Variants in KIAA0408 observed in about 807,000 individuals in gnomAD.
KIAA0408 encodes the protein KIAA0408, also known as uncharacterized protein KIAA0408.
Under a neutral mutation model 60.9 loss-of-function variants are expected in KIAA0408, and 51 were observed. The observed-to-expected ratio is 0.84, with a 90% CI of 0.67 to 1.06. The LOEUF (loss-of-function observed/expected upper bound fraction) is 1.06. KIAA0408 is among the 50% of genes least tolerant of loss of function. The pLI, the probability that KIAA0408 is intolerant of heterozygous loss-of-function variation, is 0.00. For synonymous variants in KIAA0408, 304 were observed against 282.4 expected (o/e 1.08, Z -0.77); for missense variants, 787 against 833.9 (o/e 0.94, Z 0.69).
chr6:127,450,226 C>T lies in KIAA0408; in HGVS notation c.262G>A (p.Gly88Arg), dbSNP rs1773278214. 5 of 1,613,786 alleles carry T rather than the reference C, an allele frequency of 3.1e-6. No homozygotes were observed. The highest frequency in any genetic ancestry group is 4.2e-6 in the Non-Finnish European group (5 of 1,179,970). Residue 88 changes from glycine to arginine, a missense_variant, in exon 3 of 6, where the codon GGA becomes AGA. Physicochemically the swap from Gly to Arg is moderately radical, Grantham distance 125 (BLOSUM62 -2). This residue lies in a region of KIAA0408 where 640 missense variants were observed against 681.3 expected (regional missense o/e 0.94). Transcript: ENST00000483725. ...TTCGTCCTTATAAATTCACTTTGTC[C>T]TAAATCGGGGTAATTTGGGGAAGAT... ...IESSPNYPDL[G>R]QSEFIRTNHK... is the part of the protein sequence containing the mutation.
chr6:127,450,612 A>G (rs1773285996), intron 2 of KIAA0408: 1 of 351,830 alleles, frequency 2.8e-6, no homozygotes, highest in Non-Finnish European at 5.0e-6. Context: ...TCAAAAATAA[A>G]ATAAATCTGT....
chr6:127,446,947 C>A lies in KIAA0408; in HGVS notation c.1372G>T (p.Ala458Ser), dbSNP rs1341882352. 3.1e-6 allele frequency: 5 copies of A among 1,614,016 alleles called. No individual in the cohort carries two copies. Among genetic ancestry groups the A allele is most frequent in the Non-Finnish European group, 4.2e-6 (5 of 1,180,006 alleles). The change falls in exon 5 of 6, where the codon GCA (alanine) becomes TCA (serine). Residue 458 changes from alanine to serine, a missense_variant. Physicochemically the swap from Ala to Ser is moderately conservative, Grantham distance 99. This residue lies in a region of KIAA0408 where 640 missense variants were observed against 681.3 expected (regional missense o/e 0.94). Coordinates refer to ENST00000483725, the MANE Select transcript of KIAA0408 (RefSeq NM_014702.5). ...TVFRTDRNCQ[A>S]IQQNHSCSKS... ...GAGCAGCTGTGATTTTGCTGTATTG[C>A]CTGACAATTTCTATCTGTTCTAAAT...
chr6:127,456,786 G>GT (rs1773402656), intron 1 of KIAA0408, among the ~76,000 whole-genome samples: 1 of 23,598 alleles, frequency 4.2e-5, no homozygotes. Context: ...TAAAGTGGTG[G>GT]GGGGGGGGCA....
chr6:127,453,552 T>C (rs573432589), intron 2 of KIAA0408, among the ~76,000 whole-genome samples: 3 of 152,008 alleles, frequency 2.0e-5, no homozygotes, highest in Non-Finnish European at 4.4e-5. Flanking sequence ...TATTTGAAAA[T>C]TCATGCAAAA....
In KIAA0408 at chr6:127,447,216, C is replaced by T. The variant is rs750409431; in HGVS notation, c.1103G>A (p.Gly368Asp). The T allele has an allele frequency of 1.9e-6, 3 of 1,611,644 alleles. No individual in the cohort carries two copies. Among genetic ancestry groups the T allele is most frequent in the African/African-American group, 1.3e-5 (1 of 74,734 alleles). Residue 368 changes from glycine to aspartate, a missense_variant, in exon 5 of 6, where the codon GGT becomes GAT. Around this residue, in one of 3 missense-constraint regions of KIAA0408, gnomAD observed 640 missense variants for 681.3 expected, o/e 0.94. Transcript: ENST00000483725. ...CGAAGTAGAGGGGCTCCTTTTTGCACCTATCCCAATGTCACATGACCACAT... is the reference window on the plus strand; with the variant it reads ...CGAAGTAGAGGGGCTCCTTTTTGCATCTATCCCAATGTCACATGACCACAT... ...LSMWSCDIGI[G>D]AKRSPSTSWF...
intron 2 of KIAA0408, among the ~76,000 whole-genome samples, chr6:127,451,752 T>C (rs1773305938): frequency 6.6e-6 from 1 of 152,200 alleles, no homozygotes; most frequent in Admixed American, 6.5e-5. Context: ...CTTTCCATTT[T>C]TGTTTTTGCA....
Position 127,449,821 on chromosome 6 carries a change from C to A in KIAA0408, c.578+1G>T. 6.2e-7 allele frequency: 1 copy of A among 1,613,908 alleles called. No individual in the cohort carries two copies. On this transcript the variant is annotated splice_donor_variant, in intron 4 of 5. Coordinates refer to ENST00000483725, the MANE Select transcript of KIAA0408 (RefSeq NM_014702.5). LOFTEE classifies it high-confidence loss of function. The stretch of plus-strand genomic sequence containing the variant: ...TAAAATAATCAGATGTACCAGCCTA[C>A]CTTCTATGGTTAGACCGCTTTCGAA...
Position 127,439,218 on chromosome 6 carries a change from G to A in KIAA0408, c.*4891C>T, listed in dbSNP as rs1773066294. 1 of 152,312 alleles carries A rather than the reference G, an allele frequency of 6.6e-6. No homozygotes were observed. The highest frequency in any genetic ancestry group is 1.5e-5 in the Non-Finnish European group (1 of 68,136). 9.4% of individuals were successfully genotyped at this position (152,312 alleles called of 1,614,324 possible). ...TGTGTTTTGTTATAGCAGCACAAAT[G>A]AGCCAAGATAATACTTCAAGCAAAC... is the stretch of plus-strand genomic sequence containing the variant. On this transcript the variant is annotated 3_prime_UTR_variant, in exon 6 of 6. Coordinates refer to ENST00000483725, the MANE Select transcript of KIAA0408 (RefSeq NM_014702.5).
intron 2 of KIAA0408, 29 bp from the exon 3 acceptor site, chr6:127,450,381 C>T (rs765723934): frequency 1.3e-6 from 2 of 1,547,144 alleles, no homozygotes; most frequent in African/African-American, 1.4e-5. Context: ...AAAATTAAAA[C>T]TTCTTTTCCC....
In KIAA0408 at chr6:127,444,211, G is replaced by T. The variant is rs1562368396; in HGVS notation, c.1983C>A (p.Leu661=). 6.2e-7 allele frequency: 1 copy of T among 1,613,520 alleles called. No homozygotes were observed. Among genetic ancestry groups the T allele is most frequent in the Admixed American group, 1.7e-5 (1 of 59,894 alleles). Residue 661 remains leucine, a synonymous_variant, in exon 6 of 6, where the codon CTC becomes CTA. Coordinates refer to ENST00000483725, the MANE Select transcript of KIAA0408 (RefSeq NM_014702.5). The part of the protein sequence containing the change: ...SRPARPANRR[L]PSRWASRSPS... Reference sequence around the variant, plus strand: ...GAGATCTGGATGCCCATCTGGAGGGGAGACGACGATTTGCTGGTCTAGCAG... The same window carrying T: ...GAGATCTGGATGCCCATCTGGAGGGTAGACGACGATTTGCTGGTCTAGCAG...
At chr6:127,452,968 A>G (rs1211704387) in intron 2 of KIAA0408, among the ~76,000 whole-genome samples, 2 of 152,142 alleles carry the variant, frequency 1.3e-5, no homozygotes, top group African/African-American at 2.4e-5. Flanking sequence ...ATGCCAATTC[A>G]TATTTTATTC....
At position 127,440,917 on chromosome 6, in the gene KIAA0408, G is replaced by A. The variant is rs1033652492; in HGVS notation, c.*3192C>T. 3.3e-5 allele frequency: 5 copies of A among 152,126 alleles called. No individual in the cohort carries two copies. Among genetic ancestry groups the A allele is most frequent in the African/African-American group, 9.7e-5 (4 of 41,412 alleles). 9.4% of individuals were successfully genotyped at this position (152,126 alleles called of 1,614,324 possible). ...CAGTTGTACTACCTAGAGATATTTT[G>A]GAAGAAGCTAGAGTGAACTGTGTAC... On this transcript the variant is annotated 3_prime_UTR_variant, in exon 6 of 6. Coordinates refer to ENST00000483725, the MANE Select transcript of KIAA0408 (RefSeq NM_014702.5).
rs376092824 is a variant in KIAA0408 at position 127,446,805 on chromosome 6, A to G, written c.1514T>C (p.Met505Thr). Residue 505 changes from methionine (M) to threonine (T), a missense_variant, in exon 5 of 6, where the codon ATG becomes ACG. By Grantham distance (81) the Met-to-Thr change is moderately conservative. This residue lies in a region of KIAA0408 where 640 missense variants were observed against 681.3 expected (regional missense o/e 0.94). Coordinates refer to ENST00000483725, the MANE Select transcript of KIAA0408 (RefSeq NM_014702.5). ...WKTNAHMPVP[M>T]ENVPDNPTKK... ...GGTGGGATTATCAGGCACATTTTCC[A>G]TGGGCACAGGCATGTGGGCATTGGT... 10 of 1,613,752 alleles carry G rather than the reference A, an allele frequency of 6.2e-6. No homozygotes were observed. Among genetic ancestry groups the G allele is most frequent in the African/African-American group, 4.0e-5 (3 of 74,844 alleles).
At chr6:127,448,332 A>G (rs1773240432) in intron 4 of KIAA0408, among the ~76,000 whole-genome samples, 1 of 152,310 alleles carries the variant, frequency 6.6e-6, no homozygotes, top group African/African-American at 2.4e-5. Context: ...AGGATTAAAT[A>G]CTATGGCTAC....
Position 127,440,309 on chromosome 6 carries a change from T to C in KIAA0408, c.*3800A>G, listed in dbSNP as rs1161019725. 1 of 149,628 alleles carries C rather than the reference T, an allele frequency of 6.7e-6. No homozygotes were observed. The highest frequency in any genetic ancestry group is 2.5e-5 in the African/African-American group (1 of 40,672). The allele number at this position is 149,628 out of a possible 1,614,324, so 9.3% of individuals were successfully genotyped here. Reference sequence around the variant, plus strand: ...ATATTTTCAGGGTGAGATGAACAAGTCATAGTTATAAGTTCTTTTTTTTTT... The same window carrying C: ...ATATTTTCAGGGTGAGATGAACAAGCCATAGTTATAAGTTCTTTTTTTTTT... On this transcript the variant is annotated 3_prime_UTR_variant, in exon 6 of 6. Transcript: ENST00000483725.
At chr6:127,454,406 T>C (rs1321491017) in intron 1 of KIAA0408, among the ~76,000 whole-genome samples, 1 of 152,128 alleles carries the variant, frequency 6.6e-6, no homozygotes. Flanking sequence ...TTTTCATGAA[T>C]AAGAGTGTAA....
rs1205310977 is a variant in KIAA0408 at position 127,447,651 on chromosome 6, A to G, written c.668T>C (p.Leu223Pro). The G allele has an allele frequency of 6.2e-7, 1 of 1,611,724 alleles. No homozygotes were observed. The highest frequency in any genetic ancestry group is 8.5e-7 in the Non-Finnish European group (1 of 1,179,252). ...TTTTTCTTTTTCTAAACTGATTGGA[A>G]GAATGCACTGGTCATTGTTGATCAT... The part of the protein sequence containing the change: ...DPMINNDQCI[L>P]PISLEKEKQK... Residue 223 changes from leucine to proline, a missense_variant, in exon 5 of 6, where the codon CTT becomes CCT. Transcript: ENST00000483725.
chr6:127,445,678 T>G (rs1279696827), intron 5 of KIAA0408, among the ~76,000 whole-genome samples: 10 of 152,020 alleles, frequency 6.6e-5, no homozygotes, highest in Admixed American at 6.6e-4. Context: ...GTTGTATAAC[T>G]CTTCTTTGTA....
chr6:127,445,030 T>C (rs1773166533), intron 5 of KIAA0408, among the ~76,000 whole-genome samples: 1 of 152,190 alleles, frequency 6.6e-6, no homozygotes, highest in Non-Finnish European at 1.5e-5. Flanking sequence ...TTGGTTCTTA[T>C]TGACCCTTCT....
Sources: gnomAD v4.1 joint callset for allele counts (sites outside exome capture counted in the v4.1 genomes callset) on GRCh38, gnomAD v4.1.1 for gene constraint, gnomAD v4.1.1 regional missense constraint, MANE v1.5 for transcripts, NCBI Gene and HGNC (gene_info 2026-07-23, HGNC 2026-07-21) for gene names.